The following MTA3 variants were observed in gnomAD, a reference collection of about 807,000 sequenced individuals.
MTA3 encodes metastasis-associated protein MTA3.
Under a neutral mutation model 83.5 loss-of-function variants are expected in MTA3, and 34 were observed. The ratio of observed to expected loss-of-function variants is 0.41; its 90% confidence interval spans 0.31 to 0.54. The LOEUF is 0.54. Ranked by LOEUF, MTA3 falls within the 20% of genes least tolerant of loss-of-function variation. The probability of loss-of-function intolerance (pLI) is 0.33; values close to 1 mark genes in which losing one functional copy is unlikely to be tolerated. For missense variants in MTA3, 761 were observed against 726.4 expected (o/e 1.05, Z -0.55); for synonymous variants, 303 against 252.7 (o/e 1.20, Z -1.89).
chr2:42,622,649 A>G (rs1178585827), intron 4 of MTA3, among the ~76,000 whole-genome samples: 1 of 152,082 alleles, frequency 6.6e-6, no homozygotes, highest in African/African-American at 2.4e-5. Context: ...TCTTTTTAAA[A>G]AAATTTTTGC....
intron 9 of MTA3, among the ~76,000 whole-genome samples, chr2:42,692,302 A>G (rs1263910197): frequency 1.3e-5 from 2 of 151,714 alleles, no homozygotes; most frequent in Non-Finnish European, 2.9e-5. Flanking sequence ...CAACTCTAGA[A>G]TTTCTGCTTG....
chr2:42,608,236 A>G (rs1410625515), intron 3 of MTA3, among the ~76,000 whole-genome samples: 2 of 152,196 alleles, frequency 1.3e-5, no homozygotes, highest in Non-Finnish European at 2.9e-5. Context: ...GTCAAATCCT[A>G]ATTAGGTAAA....
chr2:42,712,659 C>G (rs776529886), intron 14 of MTA3: 1 of 152,142 alleles, frequency 6.6e-6, no homozygotes, highest in East Asian at 1.9e-4. Context: ...GACCAAAATT[C>G]TTCATTGCAT....
rs181258392 is a variant in MTA3 at position 42,574,283 on chromosome 2, C to T, written c.96+3779C>T. 3.8e-3 allele frequency among the ~76,000 whole-genome samples: 581 copies of T among 151,428 alleles called. 3 individuals carry two copies. The highest frequency in any genetic ancestry group is 0.013 in the African/African-American group (516 of 41,230). Reference sequence around the variant, plus strand: ...CTGAGCAGCTGGGATTATAGGCATGCACCACCATGCCCGGCTAATTTTTAG... The same window carrying T: ...CTGAGCAGCTGGGATTATAGGCATGTACCACCATGCCCGGCTAATTTTTAG... On this transcript the variant is annotated intron_variant, in intron 2 of 16. Transcript: ENST00000405094.
rs1300280002 is a variant in MTA3 at position 42,645,465 on chromosome 2, G to C, written c.499+1221G>C. On this transcript the variant is annotated intron_variant, in intron 6 of 16. Coordinates refer to ENST00000405094, the MANE Select transcript of MTA3 (RefSeq NM_001330442.2). Reference sequence around the variant, plus strand: ...CTTTGAACCTCGGAGGCAGAGGTTGGAGTGAGCCAAGATTGTGCCACTGCA... The same window carrying C: ...CTTTGAACCTCGGAGGCAGAGGTTGCAGTGAGCCAAGATTGTGCCACTGCA... Among the ~76,000 whole-genome samples the C allele has an allele frequency of 4.6e-5, 7 of 152,202 alleles. No individual in the cohort carries two copies. In the East Asian group the frequency reaches 9.6e-4, roughly 21 times the overall value.
intron 3 of MTA3, among the ~76,000 whole-genome samples, chr2:42,594,330 G>A (rs1394138217): frequency 6.8e-6 from 1 of 146,626 alleles, no homozygotes; most frequent in East Asian, 2.0e-4. Flanking sequence ...TCTGCCTCCC[G>A]GGCTCAAGCA....
intron 2 of MTA3, among the ~76,000 whole-genome samples, chr2:42,536,431 C>T (rs940408562): frequency 4.1e-5 from 6 of 145,240 alleles, no homozygotes; most frequent in Non-Finnish European, 9.1e-5. Flanking sequence ...GCTGAGATCT[C>T]GCCATTGCAC....
intron 2 of MTA3, among the ~76,000 whole-genome samples, chr2:42,539,978 C>T (rs1020323588): frequency 6.6e-6 from 1 of 152,078 alleles, no homozygotes; most frequent in Non-Finnish European, 1.5e-5. Flanking sequence ...GCTTCTTCTG[C>T]TCAGCTAGAA....
chr2:42,546,026 C>G (rs1413857656), intron 2 of MTA3, among the ~76,000 whole-genome samples: 1 of 152,158 alleles, frequency 6.6e-6, no homozygotes, highest in Admixed American at 6.6e-5. Context: ...TATTTAAAAG[C>G]AGCTTCCCTA....
chr2:42,546,652 T>C (rs1314072032), intron 2 of MTA3, among the ~76,000 whole-genome samples: 1 of 152,150 alleles, frequency 6.6e-6, no homozygotes, highest in Admixed American at 6.6e-5. Context: ...TTTTTCCTGG[T>C]CAAACAAAAA....
intron 2 of MTA3, among the ~76,000 whole-genome samples, chr2:42,541,328 G>A (rs1676509664): frequency 6.6e-6 from 1 of 152,146 alleles, no homozygotes; most frequent in African/African-American, 2.4e-5. Flanking sequence ...ACTGCGCCCA[G>A]CCCAAATTTT....
intron 2 of MTA3, among the ~76,000 whole-genome samples, chr2:42,524,215 A>T (rs1675562289): frequency 6.6e-6 from 1 of 152,120 alleles, no homozygotes; most frequent in South Asian, 2.1e-4. Context: ...TCCCCTGGTA[A>T]AATTCCTGTC....
chr2:42,644,261 G>A lies in MTA3; in HGVS notation c.499+17G>A. 2 of 1,551,334 alleles carry A rather than the reference G, an allele frequency of 1.3e-6. No homozygotes were observed. Among genetic ancestry groups the A allele is most frequent in the Non-Finnish European group, 1.8e-6 (2 of 1,129,736 alleles). On this transcript the variant is annotated intron_variant, in intron 6 of 16. Transcript: ENST00000405094. ...TGTTAGAAGGTACGTTTTTCTGCGT[G>A]TTTGCAGTTTTGTGAAACAAATATA...
chr2:42,750,426 C>T (rs767124245), intron 16 of MTA3, among the ~76,000 whole-genome samples: 1 of 151,692 alleles, frequency 6.6e-6, no homozygotes, highest in African/African-American at 2.4e-5. Flanking sequence ...CCCTGGTGAC[C>T]TTTGTTGTCA....
intron 4 of MTA3, among the ~76,000 whole-genome samples, chr2:42,629,721 C>T (rs1686486867): frequency 6.6e-6 from 1 of 152,030 alleles, no homozygotes; most frequent in African/African-American, 2.4e-5. Flanking sequence ...CTGAATTCTT[C>T]TGATCTCGTT....
intron 9 of MTA3, among the ~76,000 whole-genome samples, chr2:42,689,983 G>A (rs1464813020): frequency 6.8e-6 from 1 of 148,128 alleles, no homozygotes; most frequent in African/African-American, 2.5e-5. Flanking sequence ...TCTTCTTATT[G>A]ATTGAAGCTT....
chr2:42,617,724 T>C (rs112370044), intron 4 of MTA3, among the ~76,000 whole-genome samples: 2 of 151,792 alleles, frequency 1.3e-5, no homozygotes, highest in Non-Finnish European at 1.5e-5. Context: ...TGCAGTGAGC[T>C]GAGATTGTAC....
At chr2:42,687,032 C>A (rs1359440763) in intron 9 of MTA3, among the ~76,000 whole-genome samples, 1 of 151,868 alleles carries the variant, frequency 6.6e-6, no homozygotes, top group African/African-American at 2.4e-5. Flanking sequence ...GAGGCTGAGG[C>A]ATGAGAATTG....
intron 9 of MTA3, among the ~76,000 whole-genome samples, chr2:42,684,289 T>C (rs1177297592): frequency 6.6e-6 from 1 of 152,216 alleles, no homozygotes; most frequent in East Asian, 1.9e-4. Flanking sequence ...ACGTATTTGA[T>C]GTGAGCCAAT....
Sources: gnomAD v4.1 joint callset for allele counts (sites outside exome capture counted in the v4.1 genomes callset) on GRCh38, gnomAD v4.1.1 for gene constraint, MANE v1.5 for transcripts, NCBI Gene and HGNC (gene_info 2026-07-23, HGNC 2026-07-21) for gene names.